Variants in HTR1F observed in about 807,000 individuals in gnomAD.
HTR1F encodes 5-hydroxytryptamine receptor 1F.
Under a neutral mutation model 24.0 loss-of-function variants are expected in HTR1F, and 17 were observed. That is an observed-to-expected ratio of 0.71 (90% confidence interval 0.48 to 1.06). HTR1F has a LOEUF of 1.06. Ranked by LOEUF, HTR1F falls within the 50% of genes least tolerant of loss-of-function variation. The probability of loss-of-function intolerance (pLI) is 0.00; values close to 1 mark genes in which losing one functional copy is unlikely to be tolerated. For synonymous variants in HTR1F, 186 were observed against 156.8 expected (o/e 1.19, Z -1.39); for missense variants, 391 against 427.8 (o/e 0.91, Z 0.76).
intron 2 of HTR1F, among the ~76,000 whole-genome samples, chr3:87,868,066 T>C (rs1317648247): frequency 6.6e-6 from 1 of 152,126 alleles, no homozygotes; most frequent in East Asian, 1.9e-4. Context: ...CTTAATGCAC[T>C]ACTAACAGTT....
chr3:87,864,027 GCTAGT>G (rs1705370737), intron 2 of HTR1F, among the ~76,000 whole-genome samples: 2 of 152,036 alleles, frequency 1.3e-5, no homozygotes, highest in South Asian at 4.1e-4. Flanking sequence ...GCTAACAATG[GCTAGT>G]CTAGTCTTTC....
Position 87,981,975 on chromosome 3 carries a change from C to A in HTR1F, c.-42-8733C>A, listed in dbSNP as rs1205269913. On this transcript the variant is annotated intron_variant, in intron 2 of 2. Transcript: ENST00000319595. ...TTATGTCTCACTCTGGCCTGTCACCCAGGCTAGAGTTCAGTGGCAGATCTC... is the reference window on the plus strand; with the variant it reads ...TTATGTCTCACTCTGGCCTGTCACCAAGGCTAGAGTTCAGTGGCAGATCTC... Among the ~76,000 whole-genome samples the A allele has an allele frequency of 2.6e-5, 4 of 152,018 alleles. No homozygotes were observed. The East Asian group carries it at 5.8e-4, about 22-fold the overall frequency.
chr3:87,831,874 G>A (rs1704587836), intron 2 of HTR1F, among the ~76,000 whole-genome samples: 1 of 152,100 alleles, frequency 6.6e-6, no homozygotes, highest in Admixed American at 6.5e-5. Context: ...ATATTTTTAT[G>A]AGCCACATTG....
chr3:87,915,710 T>C (rs1431857036), intron 2 of HTR1F, among the ~76,000 whole-genome samples: 4 of 152,118 alleles, frequency 2.6e-5, no homozygotes, highest in Non-Finnish European at 4.4e-5. Flanking sequence ...TGGGATTATG[T>C]TAAACAATCA....
intron 2 of HTR1F, among the ~76,000 whole-genome samples, chr3:87,932,177 G>A (rs560538763): frequency 6.6e-6 from 1 of 152,038 alleles, no homozygotes; most frequent in South Asian, 2.1e-4. Context: ...TATGGTTTTA[G>A]GTCTAACATT....
At chr3:87,825,238 T>C (rs1401556951) in intron 2 of HTR1F, among the ~76,000 whole-genome samples, 2 of 152,204 alleles carry the variant, frequency 1.3e-5, no homozygotes, top group African/African-American at 4.8e-5. Flanking sequence ...TTGTGTATGA[T>C]ATATTTAAAT....
At position 87,937,617 on chromosome 3, in the gene HTR1F, G is replaced by A. The variant is rs1444495492; in HGVS notation, c.-42-53091G>A. On this transcript the variant is annotated intron_variant, in intron 2 of 2. Transcript: ENST00000319595. ...CATAGTACTGGAAGTCCTCACCAGA[G>A]CAATCAGGTAAAAGAAAGAAATAGG... Among the ~76,000 whole-genome samples, 3 of 152,044 alleles carry A rather than the reference G, an allele frequency of 2.0e-5. No homozygotes were observed. The East Asian group carries it at 5.8e-4, about 29-fold the overall frequency.
chr3:87,924,304 T>C (rs1390870930), intron 2 of HTR1F, among the ~76,000 whole-genome samples: 2 of 152,140 alleles, frequency 1.3e-5, no homozygotes, highest in Admixed American at 6.6e-5. Flanking sequence ...TGTTTACTTG[T>C]AAGGTTCTTA....
At position 87,915,092 on chromosome 3, in the gene HTR1F, A is replaced by C. The variant is rs568451984; in HGVS notation, c.-42-75616A>C. Among the ~76,000 whole-genome samples, 3 of 152,238 alleles carry C rather than the reference A, an allele frequency of 2.0e-5. No homozygotes were observed. In the East Asian group the frequency reaches 5.8e-4, roughly 29 times the overall value. The stretch of plus-strand genomic sequence containing the variant: ...AAATTTGGTGGGTGGTTAGATCCAG[A>C]AGAGAGACAACAATCACTGCAGCTC... On this transcript the variant is annotated intron_variant, in intron 2 of 2. Transcript: ENST00000319595.
At chr3:87,905,590 C>A (rs1330301225) in intron 2 of HTR1F, among the ~76,000 whole-genome samples, 1 of 152,062 alleles carries the variant, frequency 6.6e-6, no homozygotes, top group Non-Finnish European at 1.5e-5. Context: ...ACAATACTGA[C>A]AGTCATTGAG....
intron 2 of HTR1F, among the ~76,000 whole-genome samples, chr3:87,952,419 G>T (rs1308207048): frequency 6.6e-6 from 1 of 151,888 alleles, no homozygotes; most frequent in African/African-American, 2.4e-5. Context: ...TATGGAAACA[G>T]GCAGACTTGG....
rs141343133 is a variant in HTR1F, at chr3:87,811,060, A to G, written c.-159-10948A>G. 3.5e-4 allele frequency among the ~76,000 whole-genome samples: 53 copies of G among 152,348 alleles called. No homozygotes were observed. In the East Asian group the frequency reaches 9.8e-3, roughly 28 times the overall value. On this transcript the variant is annotated intron_variant, in intron 1 of 2. Coordinates refer to ENST00000319595, the MANE Select transcript of HTR1F (RefSeq NM_001322209.2). ...TACTAGTAAGTAATCCTGATTTCAG[A>G]TACTTTATTAATTTGTTTCTTCCCT...
chr3:87,930,333 G>A (rs1051459756), intron 2 of HTR1F, among the ~76,000 whole-genome samples: 2 of 152,122 alleles, frequency 1.3e-5, no homozygotes, highest in Non-Finnish European at 2.9e-5. Flanking sequence ...GAATATGAGT[G>A]GTGAGAGAGG....
chr3:87,814,051 A>G lies in HTR1F; in HGVS notation c.-159-7957A>G, dbSNP rs549401401. ...TTTTTAAAAGTGGTTACTAGGCTAT[A>G]TAAGGCTATATAAGACCTAATTGGT... On this transcript the variant is annotated intron_variant, in intron 1 of 2. Transcript: ENST00000319595. 7.9e-5 allele frequency among the ~76,000 whole-genome samples: 12 copies of G among 152,292 alleles called. No homozygotes were observed. In the South Asian group the frequency reaches 1.0e-3, roughly 13 times the overall value.
chr3:87,950,533 T>C (rs1402863903), intron 2 of HTR1F, among the ~76,000 whole-genome samples: 1 of 151,384 alleles, frequency 6.6e-6, no homozygotes, highest in Admixed American at 6.6e-5. Context: ...AGATTTATCT[T>C]AGACCTCAAT....
chr3:87,940,198 T>C (rs1025239685), intron 2 of HTR1F, among the ~76,000 whole-genome samples: 1 of 152,210 alleles, frequency 6.6e-6, no homozygotes, highest in Non-Finnish European at 1.5e-5. Flanking sequence ...TAATTCTGAG[T>C]TCTAATTTGA....
At chr3:87,931,595 C>T (rs1483386202) in intron 2 of HTR1F, among the ~76,000 whole-genome samples, 1 of 152,116 alleles carries the variant, frequency 6.6e-6, no homozygotes, top group African/African-American at 2.4e-5. Context: ...AATGGTATAT[C>T]TAGTTCTAGA....
intron 2 of HTR1F, among the ~76,000 whole-genome samples, chr3:87,858,073 T>C (rs761530537): frequency 6.6e-6 from 1 of 152,180 alleles, no homozygotes; most frequent in Admixed American, 6.6e-5. Flanking sequence ...AAGCGAATTA[T>C]AATCTATTCT....
chr3:87,794,371 A>G (rs1486563499), intron 1 of HTR1F, among the ~76,000 whole-genome samples: 1 of 151,902 alleles, frequency 6.6e-6, no homozygotes, highest in Non-Finnish European at 1.5e-5. Context: ...TTTCAAAGTG[A>G]GTCTTGAGAA....
Sources: gnomAD v4.1 joint callset for allele counts (sites outside exome capture counted in the v4.1 genomes callset) on GRCh38, gnomAD v4.1.1 for gene constraint, MANE v1.5 for transcripts, NCBI Gene and HGNC (gene_info 2026-07-23, HGNC 2026-07-21) for gene names.